The following CACNA1A variants were observed in gnomAD, a reference collection of about 807,000 sequenced individuals.
The protein encoded by CACNA1A is calcium voltage-gated channel subunit alpha1 A, also known as voltage-dependent P/Q-type calcium channel subunit alpha-1A.
Under a neutral mutation model 262.4 loss-of-function variants are expected in CACNA1A, and 57 were observed. That is an observed-to-expected ratio of 0.22 (90% CI 0.18 to 0.27). The LOEUF (loss-of-function observed/expected upper bound fraction) is 0.27. Among genes scored for constraint, CACNA1A ranks in the 10% least tolerant of loss-of-function variants. CACNA1A has a pLI of 1.00. For missense variants in CACNA1A, 2,526 were observed against 3,562.8 expected, an observed-to-expected ratio of 0.71 and a Z score of 7.41; for synonymous variants, 1,431 against 1,419.3, an observed-to-expected ratio of 1.01 and a Z score of -0.18.
intron 30 of CACNA1A, among the ~76,000 whole-genome samples, chr19:13,247,767 AC>A (rs1427242791): frequency 2.0e-5 from 3 of 150,608 alleles, no homozygotes; most frequent in African/African-American, 7.4e-5. Flanking sequence ...TCCCACTGGC[AC>A]TTTTGGCATT....
chr19:13,235,930 A>G, intron 31 of CACNA1A, 200 bp from the exon 32 acceptor site: 1 of 482,578 alleles, frequency 2.1e-6, no homozygotes, highest in Non-Finnish European at 3.7e-6. Flanking sequence ...TGGGAGAGAG[A>G]GGGTGGGAGG....
chr19:13,282,927 C>T (rs985913359), intron 22 of CACNA1A, among the ~76,000 whole-genome samples: 5 of 152,120 alleles, frequency 3.3e-5, no homozygotes, highest in African/African-American at 1.2e-4. Context: ...CTCTGAGCAC[C>T]GCCCCTGCCC....
chr19:13,345,616 A>AAAAAAC (rs904302821), intron 6 of CACNA1A, among the ~76,000 whole-genome samples: 1 of 152,148 alleles, frequency 6.6e-6, no homozygotes, highest in African/African-American at 2.4e-5. Context: ...CAGGATGTTA[A>AAAAAAC]AAAAACAAAA....
At chr19:13,403,068 G>C (rs577520419) in intron 3 of CACNA1A, among the ~76,000 whole-genome samples, 178 of 151,136 alleles carry the variant, frequency 1.2e-3, no homozygotes, top group African/African-American at 4.2e-3. Context: ...AAAGTGGCAG[G>C]GCCAGGACTT....
chr19:13,352,703 C>T (rs2058934901), intron 6 of CACNA1A, among the ~76,000 whole-genome samples: 1 of 152,162 alleles, frequency 6.6e-6, no homozygotes, highest in Admixed American at 6.6e-5. Context: ...TGCCTGGCTT[C>T]CTCCTTCTCT....
At chr19:13,239,799 G>A (rs777617097) in intron 31 of CACNA1A, among the ~76,000 whole-genome samples, 18 of 152,038 alleles carry the variant, frequency 1.2e-4, no homozygotes, top group Non-Finnish European at 2.1e-4. Flanking sequence ...GTGTGTGTGT[G>A]TGCATGCGTG....
chr19:13,210,743 A>C, intron 43 of CACNA1A, 91 bp from the exon 44 acceptor site: 1 of 1,309,478 alleles, frequency 7.6e-7, no homozygotes, highest in South Asian at 1.3e-5. Flanking sequence ...GAGGTGGTGC[A>C]TGGAGAAGAA....
Position 13,376,881 on chromosome 19 carries a change from A to ATATGTTATG in CACNA1A, c.540-5103_540-5102insCATAACATA, listed in dbSNP as rs2059427639. Reference sequence around the variant, plus strand: ...ATGTTATATGTGATATATATAACACATGATATATGTTATATGTGATATATA... The same window carrying ATATGTTATG: ...ATGTTATATGTGATATATATAACACATATGTTATGTGATATATGTTATATGTGATATATA... On this transcript the variant is annotated intron_variant, in intron 3 of 46. Transcript: ENST00000360228. Among the ~76,000 whole-genome samples, 5 of 138,180 alleles carry ATATGTTATG rather than the reference A, an allele frequency of 3.6e-5. 1 individual carries two copies. The highest frequency in any genetic ancestry group is 1.2e-4 in the African/African-American group (5 of 40,268). 90.7% of individuals were successfully genotyped at this position (138,180 alleles called of 152,430 possible). A position where few individuals can be genotyped will look rare whatever the true frequency, so the allele number is the denominator to read the frequency against.
intron 7 of CACNA1A, among the ~76,000 whole-genome samples, chr19:13,335,189 T>C (rs2145137046): frequency 6.6e-6 from 1 of 152,334 alleles, no homozygotes; most frequent in South Asian, 2.1e-4. Flanking sequence ...GAATGAAAGA[T>C]TTCTGCAGCA....
intron 22 of CACNA1A, among the ~76,000 whole-genome samples, chr19:13,281,686 G>A (rs958206904): frequency 1.1e-4 from 16 of 152,314 alleles, no homozygotes; most frequent in African/African-American, 3.6e-4. Context: ...GGGGGTGGGG[G>A]ATCGAGGAGG....
chr19:13,457,010 G>A (rs1463403287), intron 1 of CACNA1A, among the ~76,000 whole-genome samples: 8 of 152,082 alleles, frequency 5.3e-5, no homozygotes, highest in African/African-American at 1.9e-4. Flanking sequence ...AGCACTTTGG[G>A]AGGCCGAGGT....
chr19:13,214,511 T>C lies in CACNA1A; in HGVS notation c.5829A>G (p.Thr1943=), dbSNP rs971098914. The C allele has an allele frequency of 6.2e-7, 1 of 1,612,838 alleles. No individual in the cohort carries two copies. Residue 1943 remains threonine (T), a synonymous_variant, in exon 39 of 47, where the codon ACA becomes ACG. Transcript: ENST00000360228. This position sits in a 1 kb window ranked among gnomAD's most constrained non-coding sequence, Gnocchi z 4.1. ...GGGCTCAGCTCTTACACTTGTGAGG[T>C]GTGACCAGCAGGTCTAGCGTCTTCT... The part of the protein sequence containing the change: ...LSQKTLDLLV[T]PHKSTDLTVG...
At chr19:13,424,591 G>A (rs2060370029) in intron 3 of CACNA1A, among the ~76,000 whole-genome samples, 1 of 149,420 alleles carries the variant, frequency 6.7e-6, no homozygotes, top group African/African-American at 2.5e-5. Context: ...TCAGCCTCCT[G>A]AGTAGCTAGG....
chr19:13,420,003 T>C (rs1039268222), intron 3 of CACNA1A, among the ~76,000 whole-genome samples: 1 of 151,598 alleles, frequency 6.6e-6, no homozygotes, highest in Non-Finnish European at 1.5e-5. Context: ...GGAGAATCAC[T>C]TGTATCTGGA....
At chr19:13,349,138 G>T (rs922259700) in intron 6 of CACNA1A, among the ~76,000 whole-genome samples, 7 of 152,062 alleles carry the variant, frequency 4.6e-5, no homozygotes, top group African/African-American at 1.4e-4. Flanking sequence ...CTCTTGGCTA[G>T]GGGACCTTGG....
chr19:13,425,175 T>C (rs958431013), intron 3 of CACNA1A, among the ~76,000 whole-genome samples: 4 of 152,198 alleles, frequency 2.6e-5, no homozygotes, highest in Non-Finnish European at 4.4e-5. Context: ...TGACAAATCC[T>C]GCATAAAATC....
At chr19:13,225,097 GT>G in intron 37 of CACNA1A, 2 of 244,664 alleles carry the variant, frequency 8.2e-6, no homozygotes, top group South Asian at 1.3e-4. Context: ...GGATGGCCCC[GT>G]TTCAGTCTGA....
intron 19 of CACNA1A, among the ~76,000 whole-genome samples, chr19:13,288,239 TTTC>T (rs141177338): frequency 0.026 from 3,442 of 133,248 alleles, 71 homozygotes; most frequent in East Asian, 0.067. Context: ...CTTTTTCTTT[TTTC>T]TTTTTTTTTT....
rs1005888020 is a variant in CACNA1A at position 13,293,609 on chromosome 19, G to A, written c.3089+4935C>T. The stretch of plus-strand genomic sequence containing the variant: ...CTACAGGCGTGCACCACCTACGCCC[G>A]GCTAATTTTTTTTTTTTTTGGTATT... On this transcript the variant is annotated intron_variant, in intron 19 of 46. Transcript: ENST00000360228. Among the ~76,000 whole-genome samples, 11 of 144,876 alleles carry A rather than the reference G, an allele frequency of 7.6e-5. No individual in the cohort carries two copies. In the South Asian group the frequency reaches 9.2e-4, roughly 12 times the overall value.
Sources: gnomAD v4.1 joint callset for allele counts (sites outside exome capture counted in the v4.1 genomes callset) on GRCh38, gnomAD v4.1.1 for gene constraint, Gnocchi (gnomAD v3.1) non-coding constraint, MANE v1.5 for transcripts, NCBI Gene and HGNC (gene_info 2026-07-23, HGNC 2026-07-21) for gene names.